The following ITCH variants were observed in gnomAD, a reference collection of about 807,000 sequenced individuals.
ITCH encodes the protein itchy E3 ubiquitin protein ligase, also known as E3 ubiquitin-protein ligase Itchy homolog.
In ITCH, 28 loss-of-function variants were observed where a neutral mutation model predicts 126.8. The ratio of observed to expected loss-of-function variants is 0.22; its 90% CI spans 0.16 to 0.30. The LOEUF is 0.30. Among genes scored for constraint, ITCH ranks in the 10% least tolerant of loss-of-function variants. ITCH has a pLI of 1.00. For missense variants in ITCH, 631 were observed against 1,032.4 expected, an observed-to-expected ratio of 0.61 and a Z score of 5.33; for synonymous variants, 342 against 340.0, an observed-to-expected ratio of 1.01 and a Z score of -0.06.
intron 6 of ITCH, among the ~76,000 whole-genome samples, chr20:34,415,966 A>G (rs1250149208): frequency 1.3e-5 from 2 of 151,914 alleles, no homozygotes; most frequent in Non-Finnish European, 2.9e-5. Context: ...TACTAAAAAT[A>G]TAAAAATTAG....
intron 2 of ITCH, among the ~76,000 whole-genome samples, chr20:34,374,555 G>T (rs947017826): frequency 6.6e-6 from 1 of 152,064 alleles, no homozygotes; most frequent in Non-Finnish European, 1.5e-5. Flanking sequence ...TTAAAGTTAT[G>T]ATCTGAGTTC....
At chr20:34,429,361 A>C (rs556663240) in intron 7 of ITCH, among the ~76,000 whole-genome samples, 10 of 152,352 alleles carry the variant, frequency 6.6e-5, no homozygotes, top group Non-Finnish European at 1.2e-4. Flanking sequence ...CTTTACTAAA[A>C]TAACTTAAAC....
intron 3 of ITCH, among the ~76,000 whole-genome samples, chr20:34,399,514 G>GTTTGGA (rs921818740): frequency 6.6e-6 from 1 of 151,690 alleles, no homozygotes; most frequent in Non-Finnish European, 1.5e-5. Context: ...AGAAGGTGGT[G>GTTTGGA]TTTGGATTGC....
intron 5 of ITCH, among the ~76,000 whole-genome samples, chr20:34,412,949 C>T (rs1979255055): frequency 6.6e-6 from 1 of 151,610 alleles, no homozygotes; most frequent in Non-Finnish European, 1.5e-5. Context: ...AAATAAAAAT[C>T]CCACTTCAGA....
intron 16 of ITCH, among the ~76,000 whole-genome samples, chr20:34,471,838 G>A (rs541444033): frequency 6.6e-6 from 1 of 151,718 alleles, no homozygotes; most frequent in South Asian, 2.1e-4. Context: ...TGAAATAAAT[G>A]CATAGGTAAG....
At chr20:34,379,898 C>A (rs2037990524) in intron 2 of ITCH, among the ~76,000 whole-genome samples, 2 of 140,456 alleles carry the variant, frequency 1.4e-5, no homozygotes, top group Non-Finnish European at 3.1e-5. Flanking sequence ...CACCCGGCCC[C>A]CCCCCCCCTT....
At chr20:34,488,566 AG>A (rs1224190695) in intron 20 of ITCH, among the ~76,000 whole-genome samples, 1 of 152,088 alleles carries the variant, frequency 6.6e-6, no homozygotes, top group Non-Finnish European at 1.5e-5. Flanking sequence ...CACAAAAATC[AG>A]TTGGGTGTGG....
chr20:34,443,424 C>T (rs1476218527), intron 10 of ITCH, among the ~76,000 whole-genome samples: 1 of 151,804 alleles, frequency 6.6e-6, no homozygotes, highest in Non-Finnish European at 1.5e-5. Flanking sequence ...AGGAGAATGA[C>T]TTGAACCTGG....
chr20:34,400,646 CTTTTTT>C (rs760416482), intron 3 of ITCH, among the ~76,000 whole-genome samples: 3 of 120,024 alleles, frequency 2.5e-5, no homozygotes, highest in South Asian at 5.3e-4. Flanking sequence ...AAAAATTTTT[CTTTTTT>C]TTTTTTTTTT....
rs117328845 is a variant in ITCH at position 34,462,574 on chromosome 20, G to A, written c.1424+353G>A. On this transcript the variant is annotated intron_variant, in intron 14 of 24. Coordinates refer to ENST00000374864, the MANE Select transcript of ITCH (RefSeq NM_031483.7). ...TACTTATCCCCCACCCCATTTCTGA[G>A]AAAGTAACCTTTTGATTTGCTTATG... 4.1e-3 allele frequency among the ~76,000 whole-genome samples: 630 copies of A among 152,262 alleles called. 2 individuals carry two copies. The highest frequency in any genetic ancestry group is 0.031 in the Middle Eastern group (9 of 294).
At chr20:34,373,209 A>C (rs1005460548) in intron 2 of ITCH, among the ~76,000 whole-genome samples, 21 of 152,078 alleles carry the variant, frequency 1.4e-4, no homozygotes, top group South Asian at 1.0e-3. Context: ...CCTGACCTCA[A>C]ATAATCCACC....
intron 3 of ITCH, among the ~76,000 whole-genome samples, chr20:34,407,689 G>A (rs925244709): frequency 1.3e-5 from 2 of 152,076 alleles, no homozygotes; most frequent in Admixed American, 1.3e-4. Flanking sequence ...GCCTCTCTCT[G>A]GAATGCTGTC....
At chr20:34,442,029 C>T in intron 9 of ITCH, 179 bp from the exon 10 acceptor site, 1 of 636,766 alleles carries the variant, frequency 1.6e-6, no homozygotes, top group Non-Finnish European at 2.9e-6. Flanking sequence ...CTGTGTGCCA[C>T]TGCCTGAAGA....
chr20:34,477,144 A>G (rs1034971174), intron 16 of ITCH, among the ~76,000 whole-genome samples: 3 of 152,086 alleles, frequency 2.0e-5, no homozygotes, highest in Admixed American at 6.5e-5. Context: ...TAATAACCAA[A>G]CCACAAAAAC....
intron 12 of ITCH, among the ~76,000 whole-genome samples, chr20:34,452,668 G>A (rs1985407379): frequency 1.3e-5 from 2 of 152,094 alleles, no homozygotes; most frequent in African/African-American, 4.8e-5. Context: ...TAGGCTCAGT[G>A]AATAATTGGT....
intron 2 of ITCH, among the ~76,000 whole-genome samples, chr20:34,384,956 C>T (rs2038217941): frequency 6.6e-6 from 1 of 152,048 alleles, no homozygotes; most frequent in African/African-American, 2.4e-5. Flanking sequence ...GCCACCGCAC[C>T]TGGCTATTAG....
At chr20:34,443,601 A>G (rs1370243334) in intron 10 of ITCH, among the ~76,000 whole-genome samples, 1 of 152,216 alleles carries the variant, frequency 6.6e-6, no homozygotes, top group Non-Finnish European at 1.5e-5. Flanking sequence ...CCTTGTTAGT[A>G]ATCTGAAGGA....
chr20:34,412,531 A>G lies in ITCH; in HGVS notation c.229A>G (p.Ser77Gly). ...CACTTTTAGTATCGTTACCCCTGTG[A>G]GTAAATTACATTTTCGTGTGTGGAG... ...QPLTVIVTPVSKLHFRVWSHQ... is the reference protein window; with the variant it reads ...QPLTVIVTPVGKLHFRVWSHQ... The change falls in exon 5 of 25, where the codon AGT becomes GGT. Residue 77 changes from serine (S) to glycine (G), a missense_variant. This residue lies in a region of ITCH where 220 missense variants were observed against 265.7 expected (regional missense o/e 0.83). Transcript: ENST00000374864. 6.3e-7 allele frequency: 1 copy of G among 1,599,106 alleles called. No homozygotes were observed. Among genetic ancestry groups the G allele is most frequent in the Non-Finnish European group, 8.6e-7 (1 of 1,166,510 alleles).
intron 14 of ITCH, among the ~76,000 whole-genome samples, chr20:34,467,320 A>G (rs1278715986): frequency 3.3e-5 from 5 of 152,114 alleles, no homozygotes; most frequent in Non-Finnish European, 5.9e-5. Flanking sequence ...CTTGAGCTCA[A>G]GAGTTCAAGA....
Sources: allele counts gnomAD v4.1 joint callset (sites outside exome capture counted in the v4.1 genomes callset), GRCh38; gene constraint gnomAD v4.1.1; regional missense constraint gnomAD v4.1.1; transcripts MANE v1.5; gene names NCBI Gene and HGNC (gene_info 2026-07-23, HGNC 2026-07-21).